The following ANO3 variants were observed in gnomAD, a reference collection of about 807,000 sequenced individuals.
The protein encoded by ANO3 is anoctamin-3.
In ANO3, 99 loss-of-function variants were observed where a neutral mutation model predicts 144.8. The ratio of observed to expected loss-of-function variants is 0.68; its 90% CI spans 0.58 to 0.81. ANO3 has a LOEUF of 0.81. ANO3 is among the 30% of genes least tolerant of loss of function. The pLI is 0.00. For missense variants in ANO3, 905 were observed against 1,202.2 expected, an observed-to-expected ratio of 0.75 and a Z score of 3.66; for synonymous variants, 414 against 392.6, an observed-to-expected ratio of 1.05 and a Z score of -0.64.
intron 1 of ANO3, among the ~76,000 whole-genome samples, chr11:26,434,949 A>G (rs1590355800): frequency 6.6e-6 from 1 of 152,110 alleles, no homozygotes; most frequent in East Asian, 1.9e-4. Flanking sequence ...ATTTGGTCCA[A>G]TGTTGAGTTC....
intron 12 of ANO3, among the ~76,000 whole-genome samples, chr11:26,552,734 G>A (rs1166734962): frequency 1.4e-4 from 3 of 21,590 alleles, no homozygotes; most frequent in Admixed American, 3.5e-4. Flanking sequence ...ATGTCAAGGT[G>A]CTGCAAAAAA....
At chr11:26,375,274 C>T (rs1856374358) in intron 1 of ANO3, among the ~76,000 whole-genome samples, 1 of 152,148 alleles carries the variant, frequency 6.6e-6, no homozygotes, top group South Asian at 2.1e-4. Context: ...ACTGATCTGA[C>T]AGGAGGTGGA....
chr11:26,621,148 C>A (rs989469983), intron 17 of ANO3, among the ~76,000 whole-genome samples: 1 of 152,168 alleles, frequency 6.6e-6, no homozygotes, highest in Non-Finnish European at 1.5e-5. Context: ...CCTTTTCCTG[C>A]CTTTGCTGTT....
At chr11:26,331,145 G>A (rs527537837), upstream of ANO3, among the ~76,000 whole-genome samples, 21 of 152,224 alleles carry the variant, frequency 1.4e-4, no homozygotes, top group East Asian at 2.3e-3. Flanking sequence ...GAGAACACAC[G>A]GACACAATGG....
At chr11:26,630,897 TA>T (rs1351745927) in intron 18 of ANO3, among the ~76,000 whole-genome samples, 2 of 152,116 alleles carry the variant, frequency 1.3e-5, no homozygotes, top group African/African-American at 4.8e-5. Context: ...GCAAATTTGT[TA>T]TTTAATAAGA....
At chr11:26,249,486 G>T (rs1047898552) in intron 1 of ANO3, among the ~76,000 whole-genome samples, 1 of 151,904 alleles carries the variant, frequency 6.6e-6, no homozygotes, top group Admixed American at 6.6e-5. Flanking sequence ...GTGGTGTTCC[G>T]GTATCTAATA....
At chr11:26,240,643 G>A (rs537525600) in intron 1 of ANO3, among the ~76,000 whole-genome samples, 15 of 152,020 alleles carry the variant, frequency 9.9e-5, no homozygotes, top group African/African-American at 3.6e-4. Flanking sequence ...TATACTGTTC[G>A]GTTTTTTACT....
intron 14 of ANO3, among the ~76,000 whole-genome samples, chr11:26,573,573 A>T (rs977720106): frequency 2.6e-5 from 4 of 152,148 alleles, no homozygotes; most frequent in African/African-American, 9.7e-5. Context: ...ATGTGTGGGA[A>T]TATCATTATC....
chr11:26,552,033 T>TGG (rs1271332295), intron 12 of ANO3, among the ~76,000 whole-genome samples: 1 of 152,044 alleles, frequency 6.6e-6, no homozygotes, highest in Non-Finnish European at 1.5e-5. Context: ...GGATCTACAA[T>TGG]CAGAAAACCT....
chr11:26,318,119 G>C (rs910784424), intron 1 of ANO3, among the ~76,000 whole-genome samples: 6 of 152,128 alleles, frequency 3.9e-5, no homozygotes, highest in African/African-American at 1.4e-4. Context: ...GGAGTTGGGG[G>C]CTAGGGGAGG....
At chr11:26,396,436 A>G (rs1359303659) in intron 1 of ANO3, among the ~76,000 whole-genome samples, 1 of 152,206 alleles carries the variant, frequency 6.6e-6, no homozygotes, top group Non-Finnish European at 1.5e-5. Context: ...CAGCAGTCCC[A>G]TTACTGGGTA....
intron 14 of ANO3, among the ~76,000 whole-genome samples, chr11:26,576,860 A>G (rs1850999705): frequency 1.3e-5 from 2 of 152,238 alleles, no homozygotes; most frequent in South Asian, 4.1e-4. Context: ...AGATTAAATG[A>G]GTGAATTGAT....
rs534872093 is a variant in ANO3, at chr11:26,234,303, G to A, written c.154+44973G>A. ...ATTCTTAAACTATTACAAAGATTTAGTGTCGTATGTGGTACCCATATTGCT... is the reference window on the plus strand; with the variant it reads ...ATTCTTAAACTATTACAAAGATTTAATGTCGTATGTGGTACCCATATTGCT... On this transcript the variant is annotated intron_variant, in intron 1 of 27. Coordinates refer to the ANO3 transcript ENST00000672621. Among the ~76,000 whole-genome samples, 78 of 152,152 alleles carry A rather than the reference G, an allele frequency of 5.1e-4. 1 individual carries two copies. The highest frequency in any genetic ancestry group is 2.0e-3 in the Admixed American group (30 of 15,288).
chr11:26,653,623 T>C (rs1853599255), intron 24 of ANO3, among the ~76,000 whole-genome samples: 1 of 151,894 alleles, frequency 6.6e-6, no homozygotes, highest in Admixed American at 6.6e-5. Flanking sequence ...TCCGGCACTA[T>C]TTCCCTCCCT....
chr11:26,236,566 C>G (rs1037870571), intron 1 of ANO3, among the ~76,000 whole-genome samples: 1 of 152,126 alleles, frequency 6.6e-6, no homozygotes, highest in Non-Finnish European at 1.5e-5. Flanking sequence ...TGCCTGTAAT[C>G]CCAGCACTTT....
At chr11:26,542,108 G>A (rs1437654066) in intron 11 of ANO3, 40 bp downstream of exon 11, 6 of 1,587,308 alleles carry the variant, frequency 3.8e-6, no homozygotes, top group Non-Finnish European at 4.3e-6. Context: ...AAAGTATTCT[G>A]TTTTGTGTCA....
intron 1 of ANO3, among the ~76,000 whole-genome samples, chr11:26,194,623 C>T (rs1851548782): frequency 6.6e-6 from 1 of 152,038 alleles, no homozygotes; most frequent in South Asian, 2.1e-4. Context: ...GCCTCAGCCT[C>T]CCGAGTAGCT....
chr11:26,660,013 G>A (rs1244434713), intron 26 of ANO3, among the ~76,000 whole-genome samples: 1 of 152,118 alleles, frequency 6.6e-6, no homozygotes, highest in African/African-American at 2.4e-5. Context: ...TTTATTCAGT[G>A]CTTATAAAGT....
At chr11:26,220,607 A>G (rs1001826410) in intron 1 of ANO3, among the ~76,000 whole-genome samples, 3 of 152,224 alleles carry the variant, frequency 2.0e-5, no homozygotes, top group Non-Finnish European at 4.4e-5. Context: ...GTGAACCGTG[A>G]AGGCATTCTC....
Sources: allele counts gnomAD v4.1 joint callset (sites outside exome capture counted in the v4.1 genomes callset), GRCh38; gene constraint gnomAD v4.1.1; transcripts MANE v1.5; gene names NCBI Gene and HGNC (gene_info 2026-07-23, HGNC 2026-07-21).